Variants in OR52N4 observed in about 807,000 individuals in gnomAD.
OR52N4 encodes the protein olfactory receptor 52N4.
In OR52N4, 15 loss-of-function variants were observed where a neutral mutation model predicts 15.0. That is an observed-to-expected ratio of 1.00 (90% CI 0.67 to 1.54). OR52N4 has a LOEUF of 1.54. Among genes scored for constraint, OR52N4 ranks in the 40% most tolerant of loss-of-function variants. OR52N4 has a pLI of 0.00. For missense variants in OR52N4, 421 were observed against 394.0 expected (o/e 1.07, Z -0.58); for synonymous variants, 143 against 143.7 (o/e 1.00, Z 0.03).
the OR52N4 span, chr11:5,737,650 T>C: frequency 3.3e-6 from 2 of 602,100 alleles, no homozygotes; most frequent in Non-Finnish European, 5.3e-6. Context: ...AAAATCACAG[T>C]AGCCTAAAAT....
chr11:5,730,277 T>C, the OR52N4 span, among the ~76,000 whole-genome samples: 30,386 of 149,670 alleles, frequency 0.2, 3,541 homozygotes, highest in African/African-American at 0.3. Flanking sequence ...CTACCAGCTC[T>C]GCCTCCCGGG....
chr11:5,751,178 T>C (rs1324702551), upstream of OR52N4, among the ~76,000 whole-genome samples: 1 of 148,398 alleles, frequency 6.7e-6, no homozygotes, highest in Non-Finnish European at 1.5e-5. Flanking sequence ...TGAGGTATAC[T>C]GTTTATCTAA....
At chr11:5,737,187 T>C in the OR52N4 span, 1 of 1,614,050 alleles carries the variant, frequency 6.2e-7, no homozygotes. Flanking sequence ...AGTCTTATTA[T>C]ACTGTCATAT....
chr11:5,755,740 A>G lies in OR52N4; in HGVS notation c.*34A>G. The stretch of plus-strand genomic sequence containing the variant: ...TTGCCAGGAGTGAGAAGAGAAGGAA[A>G]GAATTACTTCTATTTGCCTCTTATG... On this transcript the variant is annotated 3_prime_UTR_variant, in exon 2 of 2. Transcript: ENST00000641350. The G allele has an allele frequency of 6.3e-7, 1 of 1,589,020 alleles. No individual in the cohort carries two copies. The highest frequency in any genetic ancestry group is 8.6e-7 in the Non-Finnish European group (1 of 1,168,236).
At chr11:5,737,443 A>C in the OR52N4 span, 1 of 1,613,920 alleles carries the variant, frequency 6.2e-7, no homozygotes, top group Non-Finnish European at 8.5e-7. Context: ...AACTTAGGGC[A>C]GCCTTCCAAA....
the OR52N4 span, among the ~76,000 whole-genome samples, chr11:5,741,025 T>C: frequency 1.9e-4 from 24 of 126,842 alleles, 7 homozygotes; most frequent in Non-Finnish European, 3.0e-4. Context: ...ACTCCTTTAT[T>C]TATAACATGA....
chr11:5,738,871 C>A, the OR52N4 span, among the ~76,000 whole-genome samples: 1 of 64,602 alleles, frequency 1.5e-5, no homozygotes, highest in Non-Finnish European at 3.6e-5. Context: ...TAAACACATG[C>A]TCAGATTAAT....
the OR52N4 span, among the ~76,000 whole-genome samples, chr11:5,745,924 G>A: frequency 4.6e-5 from 7 of 151,990 alleles, no homozygotes; most frequent in Admixed American, 2.0e-4. Context: ...CTTTTTTGGT[G>A]TGTCCTTACC....
At chr11:5,727,071 T>C in the OR52N4 span, 2 of 152,814 alleles carry the variant, frequency 1.3e-5, no homozygotes, top group Non-Finnish European at 1.5e-5. Flanking sequence ...AGCTGGCCTG[T>C]GGAGACACCA....
At chr11:5,734,283 G>C in the OR52N4 span, 1 of 446,994 alleles carries the variant, frequency 2.2e-6, no homozygotes, top group Non-Finnish European at 4.5e-6. Flanking sequence ...ATTCCAGAGA[G>C]TTCAATGGCT....
At chr11:5,733,610 C>T in the OR52N4 span, among the ~76,000 whole-genome samples, 1 of 151,992 alleles carries the variant, frequency 6.6e-6, no homozygotes, top group Non-Finnish European at 1.5e-5. Flanking sequence ...TATATATTTG[C>T]TTGATTTTGT....
At chr11:5,749,610 C>T (rs2343231), upstream of OR52N4, among the ~76,000 whole-genome samples, 67,182 of 151,556 alleles carry the variant, frequency 0.44, 15,328 homozygotes, top group East Asian at 0.7. Context: ...TTCCCCCAAA[C>T]CATAGTCTAA....
chr11:5,737,019 T>A, the OR52N4 span: 1 of 1,614,170 alleles, frequency 6.2e-7, no homozygotes, highest in Admixed American at 1.7e-5. Context: ...GTCACTCCAG[T>A]GCCTGTGCTT....
the OR52N4 span, chr11:5,737,392 C>A: frequency 3.1e-6 from 5 of 1,614,048 alleles, no homozygotes; most frequent in Non-Finnish European, 2.5e-6. Flanking sequence ...ACATCATCCC[C>A]CCTTCCCTCA....
the OR52N4 span, among the ~76,000 whole-genome samples, chr11:5,729,114 A>ATATTCTTTTTT: frequency 2.5e-4 from 21 of 82,910 alleles, 1 homozygote; most frequent in African/African-American, 7.2e-4. Flanking sequence ...TTAAATTGAG[A>ATATTCTTTTTT]TTTTTTTTTT....
chr11:5,727,124 C>T, the OR52N4 span: 92,401 of 152,616 alleles, frequency 0.61, 28,247 homozygotes, highest in Admixed American at 0.69. Context: ...CTGTTGGTCA[C>T]TGGGGTTGAC....
At chr11:5,750,317 C>T (rs1445398608), upstream of OR52N4, among the ~76,000 whole-genome samples, 2 of 151,786 alleles carry the variant, frequency 1.3e-5, no homozygotes, top group African/African-American at 4.8e-5. Context: ...TTTTCTCCAC[C>T]CAGGTAATTG....
intron 1 of OR52N4, 158 bp from the exon 2 acceptor site, chr11:5,754,535 C>T (rs1431128974): frequency 8.5e-6 from 1 of 117,634 alleles, no homozygotes; most frequent in Non-Finnish European, 1.7e-5. Context: ...ATTAATTAAT[C>T]AATCAATAAA....
Position 5,755,642 on chromosome 11 carries a change from A to C in OR52N4, c.902A>C (p.Gln301Pro). 1 of 1,613,802 alleles carries C rather than the reference A, an allele frequency of 6.2e-7. No homozygotes were observed. Among genetic ancestry groups the C allele is most frequent in the Non-Finnish European group, 8.5e-7 (1 of 1,179,780 alleles). ...NPIVYGVKTK[Q>P]IRDCVIRILS... Reference sequence around the variant, plus strand: ...ATTGTCTATGGGGTGAAAACCAAACAGATACGAGACTGTGTCATAAGGATC... The same window carrying C: ...ATTGTCTATGGGGTGAAAACCAAACCGATACGAGACTGTGTCATAAGGATC... Residue 301 changes from glutamine (Q) to proline (P), a missense_variant, in exon 2 of 2, where the codon CAG (glutamine) becomes CCG (proline). Coordinates refer to ENST00000641350, the MANE Select transcript of OR52N4 (RefSeq NM_001005175.5).
Sources: allele counts gnomAD v4.1 joint callset (sites outside exome capture counted in the v4.1 genomes callset), GRCh38; gene constraint gnomAD v4.1.1; transcripts MANE v1.5; gene names NCBI Gene and HGNC (gene_info 2026-07-23, HGNC 2026-07-21).